Variants in DNAH9 observed in about 807,000 individuals in gnomAD.
The protein encoded by DNAH9 is dynein axonemal heavy chain 9, also known as DNAH9 variant protein.
A neutral mutation model predicts 471.6 loss-of-function variants in DNAH9; 345 were observed. The observed-to-expected ratio is 0.73, with a 90% confidence interval of 0.67 to 0.80. DNAH9 has a LOEUF of 0.80. Among genes scored for constraint, DNAH9 ranks in the 30% least tolerant of loss-of-function variants. DNAH9 has a pLI of 0.00. For synonymous variants in DNAH9, 2,093 were observed against 2,123.6 expected (o/e 0.99, Z 0.40); for missense variants, 5,407 against 5,609.2 (o/e 0.96, Z 1.15).
intron 6 of DNAH9, among the ~76,000 whole-genome samples, chr17:11,625,843 T>C (rs1440335413): frequency 6.6e-6 from 1 of 152,192 alleles, no homozygotes; most frequent in African/African-American, 2.4e-5. Context: ...CTGTACCCCA[T>C]TACACATATA....
intron 28 of DNAH9, among the ~76,000 whole-genome samples, chr17:11,731,446 G>A (rs565358588): frequency 2.0e-5 from 3 of 150,298 alleles, no homozygotes; most frequent in East Asian, 4.0e-4. Context: ...TGTGCACAAC[G>A]TGTGCAGGTT....
At chr17:11,869,427 T>C (rs1972181061) in intron 51 of DNAH9, among the ~76,000 whole-genome samples, 174 bp downstream of exon 51, 1 of 152,222 alleles carries the variant, frequency 6.6e-6, no homozygotes, top group Non-Finnish European at 1.5e-5. Flanking sequence ...GCATAAACCC[T>C]AATCTGGTCA....
rs1968064458 is a variant in DNAH9, at chr17:11,768,552, C to T, written c.7270C>T (p.Pro2424Ser). Residue 2424 changes from proline to serine, a missense_variant, in exon 37 of 69, where the codon CCA (proline) becomes TCA (serine). Pro to Ser is a moderately conservative substitution (Grantham distance 74). Transcript: ENST00000262442. Reference sequence around the variant, plus strand: ...AACCATCTTTGACTATTACATCGACCCAGAGACCAAGAAATTCGAGCCTTG... The same window carrying T: ...AACCATCTTTGACTATTACATCGACTCAGAGACCAAGAAATTCGAGCCTTG... ...QGTIFDYYID[P>S]ETKKFEPWSK... 2 of 1,613,960 alleles carry T rather than the reference C, an allele frequency of 1.2e-6. No homozygotes were observed. The highest frequency in any genetic ancestry group is 2.2e-5 in the South Asian group (2 of 91,070).
intron 61 of DNAH9, among the ~76,000 whole-genome samples, chr17:11,919,494 C>A (rs1325556573): frequency 1.8e-3 from 191 of 107,418 alleles, no homozygotes; most frequent in South Asian, 2.2e-3. Flanking sequence ...GACTCCGTCT[C>A]AAAAAAAAAA....
At chr17:11,905,631 A>G in intron 60 of DNAH9, 30 bp from the exon 61 acceptor site, 1 of 1,610,528 alleles carries the variant, frequency 6.2e-7, no homozygotes, top group Non-Finnish European at 8.5e-7. Flanking sequence ...CTATATATGT[A>G]TAAATCTATA....
At chr17:11,705,218 C>T (rs781245023) in intron 26 of DNAH9, 33 bp downstream of exon 26, 2 of 1,601,782 alleles carry the variant, frequency 1.2e-6, no homozygotes, top group Non-Finnish European at 1.7e-6. Context: ...GACAGCCTTA[C>T]TGCTGTCTGG....
At chr17:11,861,133 G>A (rs1282227091) in intron 50 of DNAH9, among the ~76,000 whole-genome samples, 2 of 151,326 alleles carry the variant, frequency 1.3e-5, no homozygotes, top group South Asian at 2.1e-4. Flanking sequence ...CCACTAACTC[G>A]TCATCTAGCA....
In DNAH9 at chr17:11,942,293, TG is replaced by T; in HGVS notation, c.12661-9del. 1 of 1,613,030 alleles carries T rather than the reference TG, an allele frequency of 6.2e-7. No homozygotes were observed. The highest frequency in any genetic ancestry group is 8.5e-7 in the Non-Finnish European group (1 of 1,179,238). The stretch of plus-strand genomic sequence containing the variant: ...CCTTTCTTAACGCTGTGTTTCCTTC[TG>T]TGGGGCAGGTCAAGGCACTTCTGGA... On this transcript the variant is annotated splice_polypyrimidine_tract_variant and intron_variant, in intron 66 of 68. Transcript: ENST00000262442.
Position 11,704,223 on chromosome 17 carries a change from G to A in DNAH9, c.5172G>A (p.Gln1724=), listed in dbSNP as rs555615580. 3.7e-6 allele frequency: 6 copies of A among 1,614,118 alleles called. No homozygotes were observed. In the African/African-American group the frequency reaches 5.3e-5, roughly 14 times the overall value. ...HPAQVALTCT[Q]IWWTTEVGMA... is the part of the protein sequence containing the mutation. Reference sequence around the variant, plus strand: ...CACAGGTGGCCCTGACCTGTACTCAGATCTGGTGGACAACAGAAGTGGGCA... The same window carrying A: ...CACAGGTGGCCCTGACCTGTACTCAAATCTGGTGGACAACAGAAGTGGGCA... The change falls in exon 25 of 69, where the codon CAG becomes CAA. Residue 1724 remains glutamine, a synonymous_variant. Transcript: ENST00000262442.
chr17:11,711,214 G>A (rs1291483569), intron 26 of DNAH9, among the ~76,000 whole-genome samples: 2 of 152,120 alleles, frequency 1.3e-5, no homozygotes, highest in Middle Eastern at 6.8e-3. Context: ...CCCATCCTGA[G>A]CCTCGTCCCC....
chr17:11,711,904 ATTTG>A (rs370836073), intron 26 of DNAH9, among the ~76,000 whole-genome samples: 3,484 of 10,032 alleles, frequency 0.35, 1,379 homozygotes, highest in East Asian at 0.7. Flanking sequence ...AAATATATAT[ATTTG>A]TATATATATT....
intron 10 of DNAH9, among the ~76,000 whole-genome samples, chr17:11,642,540 G>A (rs867135382): frequency 4.6e-5 from 7 of 152,030 alleles, no homozygotes; most frequent in African/African-American, 1.2e-4. Flanking sequence ...CAACAAGAGC[G>A]AAACTCCATC....
intron 51 of DNAH9, among the ~76,000 whole-genome samples, chr17:11,869,749 G>T (rs1013682475): frequency 1.3e-5 from 2 of 152,172 alleles, no homozygotes; most frequent in African/African-American, 4.8e-5. Flanking sequence ...CAAGTCTGCA[G>T]GTCAGGGCAG....
intron 45 of DNAH9, among the ~76,000 whole-genome samples, chr17:11,814,996 C>T (rs1970046535): frequency 6.6e-6 from 1 of 151,924 alleles, no homozygotes; most frequent in Admixed American, 6.6e-5. Flanking sequence ...AAAAAAGCAA[C>T]CATCAAGCAT....
chr17:11,930,869 AG>A (rs1974487050), intron 63 of DNAH9, among the ~76,000 whole-genome samples: 1 of 152,110 alleles, frequency 6.6e-6, no homozygotes, highest in Non-Finnish European at 1.5e-5. Context: ...TCTTATACAC[AG>A]TCAAGTTTGA....
chr17:11,826,459 T>G (rs1970497252), intron 48 of DNAH9, among the ~76,000 whole-genome samples: 1 of 124,904 alleles, frequency 8.0e-6, no homozygotes, highest in Admixed American at 7.8e-5. Context: ...TTCTTGGTTT[T>G]TTTTTTTTTT....
At chr17:11,964,070 C>T (rs576504738) in intron 68 of DNAH9, among the ~76,000 whole-genome samples, 3 of 152,296 alleles carry the variant, frequency 2.0e-5, no homozygotes, top group African/African-American at 7.2e-5. Flanking sequence ...TATGTTGTTT[C>T]AAGCCATCAA....
At chr17:11,668,238 T>G (rs1271263761) in intron 15 of DNAH9, among the ~76,000 whole-genome samples, 1 of 152,188 alleles carries the variant, frequency 6.6e-6, no homozygotes, top group Non-Finnish European at 1.5e-5. Context: ...TAGGCAGAAT[T>G]GTAATTTCTC....
At chr17:11,656,094 T>C (rs774784117) in intron 14 of DNAH9, among the ~76,000 whole-genome samples, 55 of 152,226 alleles carry the variant, frequency 3.6e-4, no homozygotes, top group Non-Finnish European at 4.3e-4. Flanking sequence ...GTGGGATTGC[T>C]GGGTCAAATG....
Sources: gnomAD v4.1 joint callset for allele counts (sites outside exome capture counted in the v4.1 genomes callset) on GRCh38, gnomAD v4.1.1 for gene constraint, MANE v1.5 for transcripts, NCBI Gene and HGNC (gene_info 2026-07-23, HGNC 2026-07-21) for gene names.